The following GOLPH3 variants were observed in gnomAD, a reference collection of about 807,000 sequenced individuals.
The protein encoded by GOLPH3 is coat protein GPP34.
Under a neutral mutation model 28.5 loss-of-function variants are expected in GOLPH3, and 14 were observed. The observed-to-expected ratio is 0.49, with a 90% CI of 0.32 to 0.77. The LOEUF is 0.77. GOLPH3 is among the 30% of genes least tolerant of loss of function. GOLPH3 has a pLI of 0.03. For synonymous variants in GOLPH3, 158 were observed against 159.2 expected (o/e 0.99, Z 0.06); for missense variants, 350 against 393.7 (o/e 0.89, Z 0.94).
At chr5:32,168,099 C>T (rs1380217068) in intron 1 of GOLPH3, among the ~76,000 whole-genome samples, 1 of 152,120 alleles carries the variant, frequency 6.6e-6, no homozygotes, top group Non-Finnish European at 1.5e-5. Flanking sequence ...TATCATTTGT[C>T]TTAGAAACAA....
intron 1 of GOLPH3, among the ~76,000 whole-genome samples, chr5:32,145,409 T>TA (rs1435997113): frequency 6.6e-6 from 1 of 152,194 alleles, no homozygotes; most frequent in Non-Finnish European, 1.5e-5. Flanking sequence ...CAGTACTTTA[T>TA]AGAGGTTAGG....
chr5:32,173,800 G>A lies in GOLPH3; in HGVS notation c.225+10C>T. 1 of 1,388,932 alleles carries A rather than the reference G, an allele frequency of 7.2e-7. No homozygotes were observed. Among genetic ancestry groups the A allele is most frequent in the Non-Finnish European group, 9.3e-7 (1 of 1,075,388 alleles). The allele number at this position is 1,388,932 out of a possible 1,614,324, so 86.0% of individuals were successfully genotyped here. On this transcript the variant is annotated intron_variant, in intron 1 of 3. Transcript: ENST00000265070. ...GCCGCCGCCCCCCGCCCAGCCCGCC[G>A]CGCCCGCACCTCGCGGTCCTTGAGG...
chr5:32,142,424 G>C (rs1257718995), intron 2 of GOLPH3, among the ~76,000 whole-genome samples: 1 of 151,170 alleles, frequency 6.6e-6, no homozygotes, highest in African/African-American at 2.4e-5. Context: ...CCCCGTCCGG[G>C]AAGTGAGGAG....
At chr5:32,163,505 T>C (rs1304917283) in intron 1 of GOLPH3, among the ~76,000 whole-genome samples, 1 of 151,962 alleles carries the variant, frequency 6.6e-6, no homozygotes, top group Non-Finnish European at 1.5e-5. Flanking sequence ...AGTACAAAAA[T>C]TAGCTGGGCA....
Position 32,143,796 on chromosome 5 carries a change from G to T in GOLPH3, c.310C>A (p.Gln104Lys). ...CGTCTCATTCCACAAGCCTCTAGTT[G>T]TAACCTTCCTCTCAATGCTAATTCA... ...LIELALRGRL[Q>K]LEACGMRRKS... is the part of the protein sequence containing the mutation. Residue 104 changes from glutamine (Q) to lysine (K), a missense_variant, in exon 2 of 4, where the codon CAA becomes AAA. By Grantham distance (53) the Gln-to-Lys change is moderately conservative (BLOSUM62 1). Coordinates refer to ENST00000265070, the MANE Select transcript of GOLPH3 (RefSeq NM_022130.4). 1 of 1,606,054 alleles carries T rather than the reference G, an allele frequency of 6.2e-7. No individual in the cohort carries two copies. Among genetic ancestry groups the T allele is most frequent in the Non-Finnish European group, 8.5e-7 (1 of 1,177,504 alleles).
At chr5:32,162,781 A>G (rs941177560) in intron 1 of GOLPH3, among the ~76,000 whole-genome samples, 1 of 152,194 alleles carries the variant, frequency 6.6e-6, no homozygotes, top group African/African-American at 2.4e-5. Flanking sequence ...CGGACAGAAC[A>G]CAAAAGTAGG....
intron 1 of GOLPH3, among the ~76,000 whole-genome samples, chr5:32,159,036 C>T (rs1746516954): frequency 6.6e-6 from 1 of 152,200 alleles, no homozygotes; most frequent in African/African-American, 2.4e-5. Context: ...CTGCCACGCA[C>T]TGAGTGGCAA....
intron 2 of GOLPH3, among the ~76,000 whole-genome samples, chr5:32,137,026 C>T (rs201065603): frequency 6.6e-6 from 1 of 151,868 alleles, no homozygotes; most frequent in African/African-American, 2.4e-5. Flanking sequence ...GGCGCAATCT[C>T]GGCTCACTGC....
intron 2 of GOLPH3, among the ~76,000 whole-genome samples, chr5:32,138,062 T>G (rs1384237889): frequency 6.6e-6 from 1 of 151,936 alleles, no homozygotes; most frequent in Non-Finnish European, 1.5e-5. Context: ...CACCACCGCA[T>G]CCGGGTAATT....
chr5:32,165,048 T>C (rs1184850074), intron 1 of GOLPH3, among the ~76,000 whole-genome samples: 4 of 151,664 alleles, frequency 2.6e-5, no homozygotes, highest in Non-Finnish European at 4.4e-5. Context: ...TTCAGGTGCA[T>C]ACCACCCTGC....
chr5:32,172,799 T>C (rs2111904973), intron 1 of GOLPH3, among the ~76,000 whole-genome samples: 1 of 152,328 alleles, frequency 6.6e-6, no homozygotes, highest in Non-Finnish European at 1.5e-5. Flanking sequence ...AGGCGGAGAT[T>C]TCGGTAAGCC....
At position 32,173,944 on chromosome 5, in the gene GOLPH3, C is replaced by T; in HGVS notation, c.91G>A (p.Gly31Ser). The T allele has an allele frequency of 6.8e-7, 1 of 1,464,890 alleles. No homozygotes were observed. Among genetic ancestry groups the T allele is most frequent in the Non-Finnish European group, 9.0e-7 (1 of 1,113,772 alleles). The allele number at this position is 1,464,890 out of a possible 1,614,324, so 90.7% of individuals were successfully genotyped here. Residue 31 changes from glycine to serine, a missense_variant, in exon 1 of 4, where the codon GGC becomes AGC. Coordinates refer to ENST00000265070, the MANE Select transcript of GOLPH3 (RefSeq NM_022130.4). ...TCGTCCTCGCTGCTGCCGGCGCCGC[C>T]GCCCGCCGCCCGCTCCTTGTCGGCG... ...NAADKERAAG[G>S]GAGSSEDDAQ...
At chr5:32,162,761 T>TA (rs1315816672) in intron 1 of GOLPH3, among the ~76,000 whole-genome samples, 1 of 152,094 alleles carries the variant, frequency 6.6e-6, no homozygotes, top group Non-Finnish European at 1.5e-5. Context: ...CCCTACAACT[T>TA]AGAGGCTTTC....
Position 32,125,834 on chromosome 5 carries a change from T to C in GOLPH3, c.*378A>G, listed in dbSNP as rs1299915576. ...GCCTTTTTGTGACTTCTGTCTGAAC[T>C]GTAGGCAGAATGCTAGATGTACATG... On this transcript the variant is annotated 3_prime_UTR_variant, in exon 4 of 4. Transcript: ENST00000265070. The C allele has an allele frequency of 5.6e-6, 1 of 177,718 alleles. No homozygotes were observed. The highest frequency in any genetic ancestry group is 1.5e-4 in the East Asian group (1 of 6,546). The allele number at this position is 177,718 out of a possible 1,614,324, so 11.0% of individuals were successfully genotyped here.
At chr5:32,159,137 A>G (rs1746519200) in intron 1 of GOLPH3, among the ~76,000 whole-genome samples, 1 of 152,210 alleles carries the variant, frequency 6.6e-6, no homozygotes, top group Non-Finnish European at 1.5e-5. Flanking sequence ...TGCATGATCT[A>G]GGTGTGCTTC....
chr5:32,126,609 T>C lies in GOLPH3; in HGVS notation c.500A>G (p.His167Arg), dbSNP rs773929083. ...SGETWNPLKLHYQLRNVRERL... is the reference protein window; with the variant it reads ...SGETWNPLKLRYQLRNVRERL... ...TTCCCGTACATTTCTTAACTGATAA[T>C]GCAATTTTAATGGATTCCATGTCTC... The change falls in exon 4 of 4, where the codon CAT becomes CGT. Residue 167 changes from histidine to arginine, a missense_variant. Coordinates refer to ENST00000265070, the MANE Select transcript of GOLPH3 (RefSeq NM_022130.4). The C allele has an allele frequency of 4.3e-6, 7 of 1,613,156 alleles. No homozygotes were observed. Among genetic ancestry groups the C allele is most frequent in the Admixed American group, 1.7e-5 (1 of 59,866 alleles).
chr5:32,146,000 A>G (rs1473021164), intron 1 of GOLPH3, among the ~76,000 whole-genome samples: 4 of 152,102 alleles, frequency 2.6e-5, no homozygotes, highest in Non-Finnish European at 1.5e-5. Context: ...TCAAAAATTA[A>G]CCATAGGGTG....
chr5:32,160,838 C>A (rs574819794), intron 1 of GOLPH3, among the ~76,000 whole-genome samples: 91 of 151,562 alleles, frequency 6.0e-4, no homozygotes, highest in African/African-American at 2.2e-3. Context: ...GAGGCCAAGG[C>A]GGGCGGACCA....
chr5:32,146,616 TAAGAAG>T (rs1305708611), intron 1 of GOLPH3, among the ~76,000 whole-genome samples: 3 of 152,168 alleles, frequency 2.0e-5, no homozygotes, highest in Non-Finnish European at 4.4e-5. Context: ...AGCTTTTTGT[TAAGAAG>T]GAACTCAAAA....
Sources: allele counts gnomAD v4.1 joint callset (sites outside exome capture counted in the v4.1 genomes callset), GRCh38; gene constraint gnomAD v4.1.1; transcripts MANE v1.5; gene names NCBI Gene and HGNC (gene_info 2026-07-23, HGNC 2026-07-21).